CTNNA2: variants seen among roughly 807,000 people sequenced by gnomAD.
CTNNA2 encodes catenin alpha 2, also known as catenin alpha-2.
Under a neutral mutation model 101.0 loss-of-function variants are expected in CTNNA2, and 42 were observed. That is an observed-to-expected ratio of 0.42 (90% CI 0.32 to 0.54). The LOEUF is 0.54. Among genes scored for constraint, CTNNA2 ranks in the 20% least tolerant of loss-of-function variants. CTNNA2 has a pLI of 0.14. For synonymous variants in CTNNA2, 450 were observed against 456.4 expected (o/e 0.99, Z 0.18); for missense variants, 871 against 1,223.1 (o/e 0.71, Z 4.29).
At chr2:79,297,178 ATTTG>A (rs147594060) in intron 2 of CTNNA2, among the ~76,000 whole-genome samples, 27,831 of 151,338 alleles carry the variant, frequency 0.18, 3,650 homozygotes, top group African/African-American at 0.38. Context: ...TTGGTTTGTC[ATTTG>A]TTTGTTTGTT....
At chr2:79,774,251 G>A (rs375864991) in intron 3 of CTNNA2, among the ~76,000 whole-genome samples, 2 of 152,206 alleles carry the variant, frequency 1.3e-5, no homozygotes, top group Non-Finnish European at 2.9e-5. Context: ...AAGAAGTGTG[G>A]CTCTCCCAGC....
chr2:79,993,254 G>A (rs1203060501), intron 7 of CTNNA2, among the ~76,000 whole-genome samples: 1 of 152,150 alleles, frequency 6.6e-6, no homozygotes, highest in Non-Finnish European at 1.5e-5. Context: ...TGGTTAAACT[G>A]TCTTTAAACC....
At chr2:80,468,711 C>T (rs908256199) in intron 9 of CTNNA2, among the ~76,000 whole-genome samples, 12 of 152,098 alleles carry the variant, frequency 7.9e-5, no homozygotes, top group Admixed American at 3.3e-4. Flanking sequence ...CCACTGTGCC[C>T]GGCCATCATG....
At chr2:80,602,662 G>A (rs1301097428) in intron 15 of CTNNA2, among the ~76,000 whole-genome samples, 1 of 152,062 alleles carries the variant, frequency 6.6e-6, no homozygotes, top group African/African-American at 2.4e-5. Flanking sequence ...ATAAAAATAT[G>A]TTAGGGAATA....
At chr2:80,324,390 G>A (rs545300742) in intron 7 of CTNNA2, among the ~76,000 whole-genome samples, 51 of 152,176 alleles carry the variant, frequency 3.4e-4, no homozygotes, top group Admixed American at 3.1e-3. Flanking sequence ...CAGCTTTCCT[G>A]TGGATTTGAG....
At chr2:80,558,675 A>G (rs1250580872) in intron 12 of CTNNA2, among the ~76,000 whole-genome samples, 2 of 152,068 alleles carry the variant, frequency 1.3e-5, no homozygotes, top group African/African-American at 4.8e-5. Context: ...CCACTTTTCT[A>G]TGTGAATCTA....
intron 3 of CTNNA2, among the ~76,000 whole-genome samples, chr2:79,817,316 C>CTTTTT (rs550422225): frequency 1.4e-5 from 1 of 73,846 alleles, no homozygotes; most frequent in African/African-American, 4.7e-5. Flanking sequence ...TTCTCTCTCA[C>CTTTTT]TTTTTTTTTT....
chr2:79,436,546 C>A (rs1678716640), intron 4 of CTNNA2, among the ~76,000 whole-genome samples: 1 of 152,146 alleles, frequency 6.6e-6, no homozygotes, highest in South Asian at 2.1e-4. Context: ...CTGTTCTGGG[C>A]AGATTTTCAA....
At chr2:80,583,299 G>A (rs977891580) in intron 14 of CTNNA2, among the ~76,000 whole-genome samples, 3 of 152,148 alleles carry the variant, frequency 2.0e-5, no homozygotes, top group East Asian at 1.9e-4. Flanking sequence ...AATCCTTTCC[G>A]ATCACATGAT....
chr2:79,390,493 T>A (rs189094228), intron 4 of CTNNA2, among the ~76,000 whole-genome samples: 1 of 152,328 alleles, frequency 6.6e-6, no homozygotes, highest in East Asian at 1.9e-4. Flanking sequence ...GATTACTTCA[T>A]CCAGACATGA....
chr2:80,243,901 T>C (rs1671130743), intron 7 of CTNNA2, among the ~76,000 whole-genome samples: 1 of 152,180 alleles, frequency 6.6e-6, no homozygotes, highest in Non-Finnish European at 1.5e-5. Flanking sequence ...TCCCACTGAC[T>C]GAGAGTCCCA....
chr2:79,293,516 A>G (rs923426334), intron 2 of CTNNA2, among the ~76,000 whole-genome samples: 2 of 152,202 alleles, frequency 1.3e-5, no homozygotes, highest in South Asian at 2.1e-4. Context: ...TGCAAATCAA[A>G]TAAGTACATA....
At chr2:79,909,478 T>C in intron 6 of CTNNA2, 116 bp from the exon 7 acceptor site, 1 of 746,812 alleles carries the variant, frequency 1.3e-6, no homozygotes, top group Middle Eastern at 3.0e-4. Flanking sequence ...AGTAACCAGT[T>C]TCTCCTCCTT....
intron 18 of CTNNA2, among the ~76,000 whole-genome samples, chr2:80,646,609 G>A (rs943238955): frequency 6.6e-6 from 1 of 151,812 alleles, no homozygotes; most frequent in Non-Finnish European, 1.5e-5. Flanking sequence ...CTGTGATGCA[G>A]GCAGTGAAGC....
At chr2:79,799,907 C>T (rs977448783) in intron 3 of CTNNA2, among the ~76,000 whole-genome samples, 2 of 152,094 alleles carry the variant, frequency 1.3e-5, no homozygotes, top group African/African-American at 4.8e-5. Context: ...TGTAGATTGG[C>T]ATAATAATGA....
At chr2:80,383,284 C>T (rs1676682168) in intron 7 of CTNNA2, among the ~76,000 whole-genome samples, 1 of 152,132 alleles carries the variant, frequency 6.6e-6, no homozygotes, top group Non-Finnish European at 1.5e-5. Context: ...ATTTTTAGGA[C>T]TCCATATTTT....
chr2:80,529,394 T>G (rs536092299), intron 9 of CTNNA2, among the ~76,000 whole-genome samples: 1 of 152,236 alleles, frequency 6.6e-6, no homozygotes, highest in Admixed American at 6.5e-5. Flanking sequence ...TATGTGTACA[T>G]AATCTGTTGT....
chr2:80,219,659 A>G (rs988928480), intron 7 of CTNNA2, among the ~76,000 whole-genome samples: 14 of 152,122 alleles, frequency 9.2e-5, no homozygotes, highest in Non-Finnish European at 4.4e-5. Context: ...TGCCCATTCT[A>G]TTTCCTCAGT....
intron 4 of CTNNA2, among the ~76,000 whole-genome samples, chr2:79,432,833 A>C (rs1678672190): frequency 6.6e-6 from 1 of 152,072 alleles, no homozygotes; most frequent in African/African-American, 2.4e-5. Context: ...ACTTTCATCT[A>C]CTCCCCAATA....
Sources: allele counts gnomAD v4.1 joint callset (sites outside exome capture counted in the v4.1 genomes callset), GRCh38; gene constraint gnomAD v4.1.1; transcripts MANE v1.5; gene names NCBI Gene and HGNC (gene_info 2026-07-23, HGNC 2026-07-21).